The following PRORP variants were observed in gnomAD, a reference collection of about 807,000 sequenced individuals.
PRORP encodes the protein protein only RNase P catalytic subunit, also known as mitochondrial ribonuclease P catalytic subunit.
Under a neutral mutation model 59.4 loss-of-function variants are expected in PRORP, and 51 were observed. The ratio of observed to expected loss-of-function variants is 0.86; its 90% CI spans 0.69 to 1.08. The LOEUF (loss-of-function observed/expected upper bound fraction) is 1.08. PRORP is among the 50% of genes least tolerant of loss of function. The probability of loss-of-function intolerance (pLI) is 0.00; values close to 1 mark genes in which losing one functional copy is unlikely to be tolerated. For synonymous variants in PRORP, 231 were observed against 245.6 expected (o/e 0.94, Z 0.55); for missense variants, 646 against 690.3 (o/e 0.94, Z 0.72).
chr14:35,148,297 G>A (rs754942251), intron 4 of PRORP, among the ~76,000 whole-genome samples: 21 of 152,130 alleles, frequency 1.4e-4, no homozygotes, highest in Non-Finnish European at 2.1e-4. Context: ...TTTTATCCAT[G>A]GGCTTTAGAA....
chr14:35,254,592 A>G (rs28504476), intron 5 of PRORP, among the ~76,000 whole-genome samples: 1 of 152,032 alleles, frequency 6.6e-6, no homozygotes, highest in Non-Finnish European at 1.5e-5. Context: ...AGGTTTCTCC[A>G]TGTTGATCAG....
chr14:35,147,645 T>A (rs2047643867), intron 4 of PRORP, among the ~76,000 whole-genome samples: 1 of 152,242 alleles, frequency 6.6e-6, no homozygotes, highest in Non-Finnish European at 1.5e-5. Context: ...GTGTGGCAAT[T>A]TCTTAAAATA....
At chr14:35,121,848 C>A, upstream of PRORP, 3 of 1,597,504 alleles carry the variant, frequency 1.9e-6, no homozygotes, top group South Asian at 2.2e-5. Context: ...TCCCCCCTAC[C>A]TCTAGGAGTT....
At chr14:35,189,744 AAAGATTTACTTG>A (rs1162653980) in intron 5 of PRORP, among the ~76,000 whole-genome samples, 1 of 152,184 alleles carries the variant, frequency 6.6e-6, no homozygotes, top group African/African-American at 2.4e-5. Flanking sequence ...TCTTTTCATT[AAAGATTTACTTG>A]AATTGTCAGA....
chr14:35,182,943 GT>G (rs1321075171), intron 5 of PRORP, among the ~76,000 whole-genome samples: 1 of 152,048 alleles, frequency 6.6e-6, no homozygotes, highest in Non-Finnish European at 1.5e-5. Context: ...TGCATTATTG[GT>G]GAGCAGAAAA....
In PRORP at chr14:35,234,688, T is replaced by C. The variant is rs376143290; in HGVS notation, c.1276-32039T>C. Among the ~76,000 whole-genome samples the C allele has an allele frequency of 3.3e-5, 5 of 151,292 alleles. No homozygotes were observed. In the East Asian group the frequency reaches 5.8e-4, roughly 18 times the overall value. On this transcript the variant is annotated intron_variant, in intron 5 of 7. Coordinates refer to ENST00000534898, the MANE Select transcript of PRORP (RefSeq NM_014672.4). The stretch of plus-strand genomic sequence containing the variant: ...TCAACTGTTGTTCCTTTTTTTTTTT[T>C]TTTTTTAAGAGTAAGGGTCTCACTG...
In PRORP at chr14:35,123,077, A is replaced by G. The variant is rs1375721708; in HGVS notation, c.-169A>G. The G allele has an allele frequency of 5.8e-6, 4 of 693,342 alleles. No individual in the cohort carries two copies. The Admixed American group carries it at 1.2e-4, about 21-fold the overall frequency. The allele number at this position is 693,342 out of a possible 1,614,324, so 42.9% of individuals were successfully genotyped here. ...AAAACTCACCTGCCTTCTTGCTTTT[A>G]AGTAGCCCCAAAAGCAGAACCTTGA... On this transcript the variant is annotated 5_prime_UTR_variant, in exon 2 of 8. An upstream open reading frame in the 5' UTR loses its in-frame stop. Transcript: ENST00000534898.
chr14:35,199,258 C>G (rs1398138382), intron 5 of PRORP, among the ~76,000 whole-genome samples: 1 of 151,592 alleles, frequency 6.6e-6, no homozygotes, highest in Non-Finnish European at 1.5e-5. Flanking sequence ...TCGCTTGAAC[C>G]CGGAAGGCGG....
chr14:35,132,253 T>C (rs928190781), intron 4 of PRORP, among the ~76,000 whole-genome samples: 1 of 139,794 alleles, frequency 7.2e-6, no homozygotes, highest in South Asian at 2.5e-4. Context: ...GGGTCAGGAG[T>C]TCGAGACCAG....
At chr14:35,255,715 G>C (rs1308594207) in intron 5 of PRORP, among the ~76,000 whole-genome samples, 1 of 152,166 alleles carries the variant, frequency 6.6e-6, no homozygotes, top group East Asian at 1.9e-4. Context: ...AAGCATAGAA[G>C]ACTGGAGACT....
intron 5 of PRORP, among the ~76,000 whole-genome samples, chr14:35,203,863 GAA>G (rs1217397851): frequency 6.6e-6 from 1 of 151,518 alleles, no homozygotes; most frequent in East Asian, 1.9e-4. Context: ...ACTCCATCTC[GAA>G]AAAAAAGATA....
chr14:35,180,645 G>A (rs1248302535), intron 4 of PRORP, 25 bp from the exon 5 acceptor site: 5 of 1,424,406 alleles, frequency 3.5e-6, no homozygotes, highest in Non-Finnish European at 3.0e-6. Context: ...TCTTATTAAT[G>A]TTTTGTCTGA....
chr14:35,215,130 C>T (rs912645043), intron 5 of PRORP, among the ~76,000 whole-genome samples: 3 of 151,868 alleles, frequency 2.0e-5, no homozygotes, highest in African/African-American at 7.3e-5. Context: ...CTGTTCAAAC[C>T]CCAGTTTCCT....
In PRORP at chr14:35,266,596, A is replaced by T. The variant is rs938518802; in HGVS notation, c.1276-131A>T. On this transcript the variant is annotated intron_variant, in intron 5 of 7. Coordinates refer to ENST00000534898, the MANE Select transcript of PRORP (RefSeq NM_014672.4). Reference sequence around the variant, plus strand: ...CTCAGGCTTTCAAAGATGGGAAATTATTGTGGATTGTTTTCTTACCCCCTA... The same window carrying T: ...CTCAGGCTTTCAAAGATGGGAAATTTTTGTGGATTGTTTTCTTACCCCCTA... 5.5e-6 allele frequency: 5 copies of T among 913,208 alleles called. No homozygotes were observed. In the African/African-American group the frequency reaches 8.3e-5, roughly 15 times the overall value. 56.6% of individuals were successfully genotyped at this position (913,208 alleles called of 1,614,324 possible).
chr14:35,150,368 CACA>C (rs1225927794), intron 4 of PRORP, among the ~76,000 whole-genome samples: 4 of 152,182 alleles, frequency 2.6e-5, no homozygotes, highest in African/African-American at 9.7e-5. Flanking sequence ...TCAGAAGTCA[CACA>C]ACATTTATTG....
intron 5 of PRORP, among the ~76,000 whole-genome samples, chr14:35,236,392 C>T (rs2050215432): frequency 6.6e-6 from 1 of 152,136 alleles, no homozygotes; most frequent in South Asian, 2.1e-4. Flanking sequence ...CTGTCCTCCT[C>T]ATCTAAACCT....
chr14:35,191,908 A>G (rs1194548031), intron 5 of PRORP, among the ~76,000 whole-genome samples: 1 of 152,070 alleles, frequency 6.6e-6, no homozygotes, highest in Admixed American at 6.5e-5. Flanking sequence ...CTTGGTTTTA[A>G]CCCCAGTAGA....
intron 6 of PRORP, among the ~76,000 whole-genome samples, chr14:35,269,852 A>G (rs1490668166): frequency 6.6e-6 from 1 of 152,150 alleles, no homozygotes; most frequent in East Asian, 1.9e-4. Context: ...GCTAAGGTTG[A>G]TGGTCTGTTG....
rs2138693769 is a variant in PRORP, at chr14:35,276,433, T to C, written c.*2867T>C. 1 of 152,134 alleles carries C rather than the reference T, an allele frequency of 6.6e-6. No homozygotes were observed. The highest frequency in any genetic ancestry group is 1.9e-4 in the East Asian group (1 of 5,146). The allele number at this position is 152,134 out of a possible 1,614,324, so 9.4% of individuals were successfully genotyped here. ...AAATTACATTTTAAAATAACTCTAA[T>C]ACTGTTTAGAAACAAAACCCTAACT... On this transcript the variant is annotated 3_prime_UTR_variant, in exon 8 of 8. Transcript: ENST00000534898.
Sources: gnomAD v4.1 joint callset for allele counts (sites outside exome capture counted in the v4.1 genomes callset) on GRCh38, gnomAD v4.1.1 for gene constraint, MANE v1.5 for transcripts, NCBI Gene and HGNC (gene_info 2026-07-23, HGNC 2026-07-21) for gene names.